Variants in GLRA1 observed in about 807,000 individuals in gnomAD.
GLRA1 encodes glycine receptor alpha 1.
A neutral mutation model predicts 48.3 loss-of-function variants in GLRA1; 37 were observed. The observed-to-expected ratio is 0.77, with a 90% CI of 0.59 to 1.01. GLRA1 has a LOEUF of 1.01. Among genes scored for constraint, GLRA1 ranks in the 50% least tolerant of loss-of-function variants. The pLI is 0.00. For synonymous variants in GLRA1, 196 were observed against 210.7 expected (o/e 0.93, Z 0.60); for missense variants, 427 against 571.0 (o/e 0.75, Z 2.57).
intron 1 of GLRA1, among the ~76,000 whole-genome samples, chr5:151,900,910 C>T (rs1279025751): frequency 6.6e-6 from 1 of 152,154 alleles, no homozygotes; most frequent in East Asian, 1.9e-4. Flanking sequence ...ATAGTCAGAG[C>T]TCAGTAAATA....
intron 8 of GLRA1, among the ~76,000 whole-genome samples, chr5:151,825,867 T>C (rs1763257204): frequency 6.6e-6 from 1 of 152,204 alleles, no homozygotes; most frequent in South Asian, 2.1e-4. Flanking sequence ...TTAAAATCCC[T>C]TCTGCAAACT....
chr5:151,860,976 G>A (rs946442272), intron 3 of GLRA1, among the ~76,000 whole-genome samples: 5 of 152,170 alleles, frequency 3.3e-5, no homozygotes, highest in Non-Finnish European at 5.9e-5. Flanking sequence ...AACATGCGGT[G>A]TTTGGTTTTT....
Position 151,839,704 on chromosome 5 carries a change from A to G in GLRA1, c.913-10637T>C, listed in dbSNP as rs1003723475. On this transcript the variant is annotated intron_variant, in intron 7 of 8. Transcript: ENST00000274576. ...TGAGATCTTTAGGGTGAGATCTTAC[A>G]GGTGGGGCCTTAATTCAATAGGATT... Among the ~76,000 whole-genome samples the G allele has an allele frequency of 2.6e-5, 4 of 152,134 alleles. No homozygotes were observed. The East Asian group carries it at 7.7e-4, about 29-fold the overall frequency.
chr5:151,896,207 T>A (rs1357448122), intron 1 of GLRA1, among the ~76,000 whole-genome samples: 2 of 152,342 alleles, frequency 1.3e-5, no homozygotes, highest in African/African-American at 4.8e-5. Flanking sequence ...AGTAAGGTAT[T>A]TGCAGTCTGG....
chr5:151,917,570 CAA>C (rs1754769583), intron 1 of GLRA1, among the ~76,000 whole-genome samples: 1 of 152,134 alleles, frequency 6.6e-6, no homozygotes, highest in Non-Finnish European at 1.5e-5. Context: ...CAATCACCCC[CAA>C]AAGTTTCCTC....
At chr5:151,866,479 GC>G (rs1423298796) in intron 3 of GLRA1, among the ~76,000 whole-genome samples, 1 of 152,170 alleles carries the variant, frequency 6.6e-6, no homozygotes, top group East Asian at 1.9e-4. Context: ...AGAACTAAGA[GC>G]TTGTGCAAGA....
intron 3 of GLRA1, among the ~76,000 whole-genome samples, chr5:151,861,188 C>T (rs914034709): frequency 3.5e-4 from 53 of 152,268 alleles, no homozygotes; most frequent in African/African-American, 1.2e-3. Context: ...AATAAACATA[C>T]GTGTGCATGT....
chr5:151,849,079 T>TTTTCTTTCCTTTTTA (rs2113333368), intron 7 of GLRA1: 1 of 382,846 alleles, frequency 2.6e-6, no homozygotes, highest in South Asian at 7.5e-5. Flanking sequence ...TCTTTCTTTC[T>TTTTCTTTCCTTTTTA]TTTCTTTCCT....
chr5:151,830,997 G>A (rs1763406977), intron 7 of GLRA1, among the ~76,000 whole-genome samples: 1 of 152,216 alleles, frequency 6.6e-6, no homozygotes, highest in African/African-American at 2.4e-5. Context: ...CCCACAGAAG[G>A]TGAGCTGAAG....
rs7729026 is a variant in GLRA1, at chr5:151,859,729, G to A, written c.476+56C>T. ...CTCTTTTAGAGTCTATGCCCAGAAG[G>A]TAGTGGGGCAAGACATGTTCTGAGC... On this transcript the variant is annotated intron_variant, in intron 4 of 8. Transcript: ENST00000274576. 513,915 of 1,263,638 alleles carry A rather than the reference G, an allele frequency of 0.41. 105,863 individuals carry two copies. The highest frequency in any genetic ancestry group is 0.44 in the South Asian group (37,183 of 83,800). 78.3% of individuals were successfully genotyped at this position (1,263,638 alleles called of 1,614,324 possible).
chr5:151,829,588 G>T (rs1763373211), intron 7 of GLRA1, among the ~76,000 whole-genome samples: 1 of 152,178 alleles, frequency 6.6e-6, no homozygotes. Context: ...AAGCTTTGTG[G>T]CAGTGTTTAA....
chr5:151,829,167 C>T (rs1763358001), intron 7 of GLRA1, 100 bp from the exon 8 acceptor site: 2 of 1,135,622 alleles, frequency 1.8e-6, no homozygotes, highest in Non-Finnish European at 1.3e-6. Flanking sequence ...TTCCCCACAT[C>T]ACCCACTGCT....
At chr5:151,850,072 T>C (rs1752860556) in intron 7 of GLRA1, 3 of 1,604,050 alleles carry the variant, frequency 1.9e-6, no homozygotes, top group Non-Finnish European at 2.6e-6. Flanking sequence ...TGGTTTGGCA[T>C]GGAGCAGGAA....
Position 151,855,082 on chromosome 5 carries a change from C to T in GLRA1, c.655G>A (p.Glu219Lys). Residue 219 changes from glutamate to lysine, a missense_variant, in exon 6 of 9, where the codon GAA (glutamate) becomes AAA (lysine). Around this residue, in one of 4 missense-constraint regions of GLRA1, gnomAD observed 271 missense variants for 434.9 expected, o/e 0.62. Coordinates refer to ENST00000274576, the MANE Select transcript of GLRA1 (RefSeq NM_000171.4). ...GLTLPQFILK[E>K]EKDLRYCTKH... ...GTGCAGTATCTCAAGTCCTTCTCTT[C>T]CTTCAAGATAAACTGGGGCAGAGTT... 6.2e-7 allele frequency: 1 copy of T among 1,614,130 alleles called. No individual in the cohort carries two copies. Among genetic ancestry groups the T allele is most frequent in the South Asian group, 1.1e-5 (1 of 91,078 alleles).
rs781663738 is a variant in GLRA1 at position 151,906,936 on chromosome 5, G to T, written c.57-14498C>A. 2.0e-5 allele frequency among the ~76,000 whole-genome samples: 3 copies of T among 152,204 alleles called. No homozygotes were observed. In the East Asian group the frequency reaches 5.8e-4, roughly 29 times the overall value. ...TGGCTGCCTGATACATGTGAGGAAA[G>T]AATATTTAGACCATTAGAGCCATCC... is the stretch of plus-strand genomic sequence containing the variant. On this transcript the variant is annotated intron_variant, in intron 1 of 8. Coordinates refer to ENST00000274576, the MANE Select transcript of GLRA1 (RefSeq NM_000171.4).
chr5:151,874,379 C>G (rs1753571885), intron 3 of GLRA1, among the ~76,000 whole-genome samples: 1 of 152,146 alleles, frequency 6.6e-6, no homozygotes, highest in South Asian at 2.1e-4. Context: ...CACATGACCC[C>G]TTGAATCTAA....
rs77067207 is a variant in GLRA1, at chr5:151,864,839, G to T, written c.253-4831C>A. The stretch of plus-strand genomic sequence containing the variant: ...CATCTCACCTAGTCACTCAGTCAGT[G>T]CACCTATGAGCTACCTAGTACCTAT... On this transcript the variant is annotated intron_variant, in intron 3 of 8. Transcript: ENST00000274576. 8.5e-3 allele frequency among the ~76,000 whole-genome samples: 1,296 copies of T among 152,240 alleles called. 16 individuals carry two copies. The highest frequency in any genetic ancestry group is 0.03 in the African/African-American group (1,243 of 41,534).
intron 3 of GLRA1, among the ~76,000 whole-genome samples, chr5:151,863,430 TAAAC>T (rs942837548): frequency 3.7e-4 from 57 of 152,098 alleles, no homozygotes; most frequent in African/African-American, 1.2e-3. Context: ...CACAAACAAA[TAAAC>T]AAAACAAAAA....
At chr5:151,876,487 T>C (rs749145256) in intron 3 of GLRA1, among the ~76,000 whole-genome samples, 6 of 152,238 alleles carry the variant, frequency 3.9e-5, no homozygotes, top group Non-Finnish European at 1.5e-5. Context: ...TTATTATTAA[T>C]AATTTACAGA....
Sources: gnomAD v4.1 joint callset for allele counts (sites outside exome capture counted in the v4.1 genomes callset) on GRCh38, gnomAD v4.1.1 for gene constraint, gnomAD v4.1.1 regional missense constraint, MANE v1.5 for transcripts, NCBI Gene and HGNC (gene_info 2026-07-23, HGNC 2026-07-21) for gene names.